Variants in SPRED1 observed in about 807,000 individuals in gnomAD.
SPRED1 encodes the protein sprouty related EVH1 domain containing 1.
Under a neutral mutation model 52.3 loss-of-function variants are expected in SPRED1, and 18 were observed. That is an observed-to-expected ratio of 0.34 (90% CI 0.24 to 0.51). The LOEUF (loss-of-function observed/expected upper bound fraction) is 0.51, where lower values mean the gene tolerates loss of function less well. Ranked by LOEUF, SPRED1 falls within the 20% of genes least tolerant of loss-of-function variation. The pLI is 0.97. For missense variants in SPRED1, 485 were observed against 551.0 expected (o/e 0.88, Z 1.20); for synonymous variants, 155 against 179.7 (o/e 0.86, Z 1.10).
intron 1 of SPRED1, among the ~76,000 whole-genome samples, chr15:38,291,597 C>T (rs1894925253): frequency 6.6e-6 from 1 of 152,242 alleles, no homozygotes; most frequent in Admixed American, 6.5e-5. Context: ...CAGAATTTCC[C>T]AAACTTCAAT....
chr15:38,324,496 G>T (rs1421273625), intron 3 of SPRED1, among the ~76,000 whole-genome samples: 1 of 152,162 alleles, frequency 6.6e-6, no homozygotes, highest in Admixed American at 6.5e-5. Flanking sequence ...ACTAGGGGCA[G>T]GGGTAGCTAG....
rs1296704412 is a variant in SPRED1, at chr15:38,294,848, A to G, written c.33-4525A>G. The stretch of plus-strand genomic sequence containing the variant: ...GATGCTATTGTGATTAAAGCTATGT[A>G]CTATCTCCCCTGAAGAAAATATATA... On this transcript the variant is annotated intron_variant, in intron 1 of 6. Coordinates refer to ENST00000299084, the MANE Select transcript of SPRED1 (RefSeq NM_152594.3). Among the ~76,000 whole-genome samples, 5 of 152,318 alleles carry G rather than the reference A, an allele frequency of 3.3e-5. No individual in the cohort carries two copies. In the South Asian group the frequency reaches 6.2e-4, roughly 19 times the overall value.
intron 2 of SPRED1, among the ~76,000 whole-genome samples, chr15:38,320,300 A>G (rs1895576003): frequency 6.6e-6 from 1 of 152,168 alleles, no homozygotes; most frequent in African/African-American, 2.4e-5. Flanking sequence ...GGAAGTGCAT[A>G]AAGCCTAAAA....
chr15:38,255,535 A>C (rs1894077133), intron 1 of SPRED1, among the ~76,000 whole-genome samples: 1 of 152,188 alleles, frequency 6.6e-6, no homozygotes. Context: ...TAATGTGTTC[A>C]TCTGATAATC....
chr15:38,262,341 TATAAA>T (rs1894223625), intron 1 of SPRED1, among the ~76,000 whole-genome samples: 2 of 152,112 alleles, frequency 1.3e-5, no homozygotes, highest in African/African-American at 2.4e-5. Flanking sequence ...GTGTTCTGGT[TATAAA>T]GTTCTTCAAG....
intron 1 of SPRED1, among the ~76,000 whole-genome samples, chr15:38,285,821 G>A (rs200516472): frequency 1.3e-5 from 2 of 152,150 alleles, no homozygotes; most frequent in South Asian, 2.1e-4. Context: ...ATAGCCCATC[G>A]GTATTTTAAA....
At chr15:38,276,778 T>TA (rs1355821122) in intron 1 of SPRED1, among the ~76,000 whole-genome samples, 1 of 152,222 alleles carries the variant, frequency 6.6e-6, no homozygotes, top group Non-Finnish European at 1.5e-5. Flanking sequence ...TTTTTTGACT[T>TA]ACACATTTTG....
intron 2 of SPRED1, among the ~76,000 whole-genome samples, chr15:38,300,615 T>C (rs113087556): frequency 9.5e-4 from 144 of 152,258 alleles, no homozygotes; most frequent in African/African-American, 3.1e-3. Flanking sequence ...GGGAGAGTTA[T>C]CCTAAATCAT....
At position 38,351,359 on chromosome 15, in the gene SPRED1, C is replaced by G. The variant is rs1470346656; in HGVS notation, c.1030C>G (p.His344Asp). The part of the protein sequence containing the change: ...RCVYCQERFN[H>D]EENVRGKCQD... ...CGTATACTGCCAGGAAAGGTTTAAT[C>G]ATGAAGAAAATGTTAGGGGAAAATG... The change falls in exon 7 of 7, where the codon CAT becomes GAT. Residue 344 changes from histidine to aspartate, a missense_variant. His to Asp is a moderately conservative substitution (Grantham distance 81). Transcript: ENST00000299084. 1 of 1,614,078 alleles carries G rather than the reference C, an allele frequency of 6.2e-7. No homozygotes were observed. The highest frequency in any genetic ancestry group is 8.5e-7 in the Non-Finnish European group (1 of 1,180,020).
chr15:38,263,128 C>T (rs551914888), intron 1 of SPRED1, among the ~76,000 whole-genome samples: 5 of 152,158 alleles, frequency 3.3e-5, no homozygotes, highest in African/African-American at 9.6e-5. Flanking sequence ...AAATGTCCAA[C>T]GATTATTTGA....
At position 38,322,397 on chromosome 15, in the gene SPRED1, G is replaced by T. The variant is rs1350241881; in HGVS notation, c.364G>T (p.Asp122Tyr). ...FDRGIRRAIE[D>Y]ISQGCPESKN... is the part of the protein sequence containing the mutation. ...TAGAGGTATCCGAAGAGCTATAGAG[G>T]ATATTTCTCAAGGTAGGTATTCTTG... Residue 122 changes from aspartate (D) to tyrosine (Y), a missense_variant, in exon 3 of 7, where the codon GAT becomes TAT. Asp to Tyr is a radical substitution (Grantham distance 160). Around this residue, in one of 5 missense-constraint regions of SPRED1, gnomAD observed 232 missense variants for 231.8 expected, o/e 1.00. Transcript: ENST00000299084. The T allele has an allele frequency of 1.9e-6, 3 of 1,613,528 alleles. No homozygotes were observed. The highest frequency in any genetic ancestry group is 2.5e-6 in the Non-Finnish European group (3 of 1,179,792).
intron 4 of SPRED1, among the ~76,000 whole-genome samples, chr15:38,334,080 C>T (rs1172699829): frequency 2.0e-5 from 3 of 151,900 alleles, no homozygotes; most frequent in African/African-American, 7.3e-5. Flanking sequence ...TTTTAGCTAT[C>T]ATTGGTACAC....
At position 38,322,391 on chromosome 15, in the gene SPRED1, A is replaced by G. The variant is rs774740245; in HGVS notation, c.358A>G (p.Ile120Val). 2.5e-6 allele frequency: 4 copies of G among 1,613,764 alleles called. No individual in the cohort carries two copies. In the South Asian group the frequency reaches 3.3e-5, roughly 13 times the overall value. ...TTTTGATAGAGGTATCCGAAGAGCT[A>G]TAGAGGATATTTCTCAAGGTAGGTA... ...RAFDRGIRRAIEDISQGCPES... is the reference protein window; with the variant it reads ...RAFDRGIRRAVEDISQGCPES... The change falls in exon 3 of 7, where the codon ATA (isoleucine) becomes GTA (valine). Residue 120 changes from isoleucine (I) to valine (V), a missense_variant. Physicochemically the swap from Ile to Val is conservative, Grantham distance 29 (BLOSUM62 3). Coordinates refer to ENST00000299084, the MANE Select transcript of SPRED1 (RefSeq NM_152594.3).
At chr15:38,317,315 C>T (rs888218585) in intron 2 of SPRED1, among the ~76,000 whole-genome samples, 5 of 151,888 alleles carry the variant, frequency 3.3e-5, no homozygotes, top group African/African-American at 9.7e-5. Context: ...TGCACCATGT[C>T]TTGTCTTACA....
Position 38,324,791 on chromosome 15 carries a change from A to G in SPRED1, c.405A>G (p.Glu135=), listed in dbSNP as rs778868909. The change falls in exon 4 of 7, where the codon GAA becomes GAG. Residue 135 remains glutamate (E), a synonymous_variant. Transcript: ENST00000299084. ...GCCCCGAATCAAAAAATGAAGCTGA[A>G]GGGGCAGATGACTTACAAGTAAGTA... The part of the protein sequence containing the change: ...QGCPESKNEA[E]GADDLQANEE... 6 of 1,611,800 alleles carry G rather than the reference A, an allele frequency of 3.7e-6. No homozygotes were observed. Among genetic ancestry groups the G allele is most frequent in the Non-Finnish European group, 5.1e-6 (6 of 1,178,956 alleles).
intron 4 of SPRED1, chr15:38,326,396 G>A (rs2382126): frequency 0.91 from 139,226 of 152,222 alleles, 64,954 homozygotes; most frequent in East Asian, 1. Context: ...CTGGTTTTGA[G>A]AATTCTCAGT....
rs955676201 is a variant in SPRED1 at position 38,252,962 on chromosome 15, G to A, written c.-224G>A. On this transcript the variant is annotated 5_prime_UTR_variant, in exon 1 of 7. Coordinates refer to ENST00000299084, the MANE Select transcript of SPRED1 (RefSeq NM_152594.3). ...GGCACTGAGGCGGGGGAAGAGGCTG[G>A]GGTCGCCACGGCGGAGGTTGCTGCC... is the stretch of plus-strand genomic sequence containing the variant. The A allele has an allele frequency of 3.0e-5, 18 of 598,542 alleles. 1 individual carries two copies. Among genetic ancestry groups the A allele is most frequent in the South Asian group, 2.8e-4 (14 of 50,836 alleles). 37.1% of individuals were successfully genotyped at this position (598,542 alleles called of 1,614,324 possible).
Position 38,289,409 on chromosome 15 carries a change from C to T in SPRED1, c.33-9964C>T, listed in dbSNP as rs1466455099. Among the ~76,000 whole-genome samples, 7 of 144,570 alleles carry T rather than the reference C, an allele frequency of 4.8e-5. No homozygotes were observed. In the South Asian group the frequency reaches 1.1e-3, roughly 22 times the overall value. 94.8% of individuals were successfully genotyped at this position (144,570 alleles called of 152,430 possible). On this transcript the variant is annotated intron_variant, in intron 1 of 6. Coordinates refer to ENST00000299084, the MANE Select transcript of SPRED1 (RefSeq NM_152594.3). Reference sequence around the variant, plus strand: ...TTTGGAGTTACTTTTAAGGAAGTACCTTTTTTTTTTTTCCTGTTATATGCC... The same window carrying T: ...TTTGGAGTTACTTTTAAGGAAGTACTTTTTTTTTTTTTCCTGTTATATGCC...
chr15:38,282,090 G>C (rs1189009736), intron 1 of SPRED1, among the ~76,000 whole-genome samples: 1 of 152,126 alleles, frequency 6.6e-6, no homozygotes, highest in Admixed American at 6.5e-5. Flanking sequence ...GCATCACTGA[G>C]TTCATATACT....
Sources: allele counts gnomAD v4.1 joint callset (sites outside exome capture counted in the v4.1 genomes callset), GRCh38; gene constraint gnomAD v4.1.1; regional missense constraint gnomAD v4.1.1; transcripts MANE v1.5; gene names NCBI Gene and HGNC (gene_info 2026-07-23, HGNC 2026-07-21).